The following MAK16 variants were observed in gnomAD, a reference collection of about 807,000 sequenced individuals.
MAK16 encodes the protein protein MAK16 homolog.
Under a neutral mutation model 49.9 loss-of-function variants are expected in MAK16, and 12 were observed. The observed-to-expected ratio is 0.24, with a 90% CI of 0.15 to 0.39. MAK16 has a LOEUF of 0.39. Among genes scored for constraint, MAK16 ranks in the 10% least tolerant of loss-of-function variants. The pLI is 1.00. For synonymous variants in MAK16, 115 were observed against 126.4 expected, an observed-to-expected ratio of 0.91 and a Z score of 0.60; for missense variants, 292 against 363.7, an observed-to-expected ratio of 0.80 and a Z score of 1.60.
chr8:33,485,314 G>T, intron 1 of MAK16, 93 bp downstream of exon 1: 1 of 1,533,340 alleles, frequency 6.5e-7, no homozygotes, highest in Non-Finnish European at 9.0e-7. Context: ...CAGCGGGTCT[G>T]TTGCCTCGTG....
chr8:33,498,720 G>A lies in MAK16; in HGVS notation c.*91G>A. 2 of 1,109,436 alleles carry A rather than the reference G, an allele frequency of 1.8e-6. No individual in the cohort carries two copies. Among genetic ancestry groups the A allele is most frequent in the Non-Finnish European group, 2.5e-6 (2 of 784,494 alleles). The allele number at this position is 1,109,436 out of a possible 1,614,324, so 68.7% of individuals were successfully genotyped here. On this transcript the variant is annotated 3_prime_UTR_variant, in exon 10 of 10. Coordinates refer to ENST00000360128, the MANE Select transcript of MAK16 (RefSeq NM_032509.4). ...AAACACATACACACCTCCAGTTTTT[G>A]CTCTTTTGTGTTGTACTGAACACAA...
chr8:33,490,838 C>T (rs1808765781), intron 6 of MAK16, among the ~76,000 whole-genome samples: 1 of 152,178 alleles, frequency 6.6e-6, no homozygotes. Flanking sequence ...AAATAATTGA[C>T]TATAGTCACG....
At chr8:33,495,444 TTG>T in intron 6 of MAK16, 96 bp from the exon 7 acceptor site, 3 of 988,142 alleles carry the variant, frequency 3.0e-6, no homozygotes, top group Non-Finnish European at 4.6e-6. Context: ...AATAATTACA[TTG>T]TCTTTCTTAT....
Position 33,499,067 on chromosome 8 carries a change from C to A in MAK16, c.*438C>A. ...AAGGAAGGAAGGAAAAAGCAGCTTT[C>A]ACTTACAAAGTTTCGTGTAAAAATA... On this transcript the variant is annotated 3_prime_UTR_variant, in exon 10 of 10. Coordinates refer to ENST00000360128, the MANE Select transcript of MAK16 (RefSeq NM_032509.4). 1 of 949,626 alleles carries A rather than the reference C, an allele frequency of 1.1e-6. No individual in the cohort carries two copies. The highest frequency in any genetic ancestry group is 1.7e-6 in the Non-Finnish European group (1 of 601,098). The allele number at this position is 949,626 out of a possible 1,614,324, so 58.8% of individuals were successfully genotyped here. A position where few individuals can be genotyped will look rare whatever the true frequency, so the allele number is the denominator to read the frequency against.
intron 6 of MAK16, among the ~76,000 whole-genome samples, chr8:33,493,104 AG>A (rs765177479): frequency 1.3e-5 from 2 of 152,042 alleles, no homozygotes; most frequent in Non-Finnish European, 2.9e-5. Flanking sequence ...TGGTCTGCAA[AG>A]TTGTGCTCAC....
In MAK16 at chr8:33,498,679, T is replaced by TG. The variant is rs1563348947; in HGVS notation, c.*50_*51insG. The stretch of plus-strand genomic sequence containing the variant: ...GGACTGAACATGCAGAACTGTTTTT[T>TG]TTTTTTTTTTATCTTAAACACATAC... On this transcript the variant is annotated 3_prime_UTR_variant, in exon 10 of 10. Coordinates refer to ENST00000360128, the MANE Select transcript of MAK16 (RefSeq NM_032509.4). 3.0e-5 allele frequency: 46 copies of TG among 1,526,312 alleles called. No homozygotes were observed. The highest frequency in any genetic ancestry group is 9.0e-5 in the East Asian group (4 of 44,250). The allele number at this position is 1,526,312 out of a possible 1,614,324, so 94.5% of individuals were successfully genotyped here. A position where few individuals can be genotyped will look rare whatever the true frequency, so the allele number is the denominator to read the frequency against.
Position 33,498,659 on chromosome 8 carries a change from G to GCCT in MAK16, c.*30_*31insCCT. On this transcript the variant is annotated 3_prime_UTR_variant, in exon 10 of 10. Transcript: ENST00000360128. ...CCTTTCAGCATTTATACCCAGGACT[G>GCCT]AACATGCAGAACTGTTTTTTTTTTT... The GCCT allele has an allele frequency of 7.0e-7, 1 of 1,429,246 alleles. No individual in the cohort carries two copies. Among genetic ancestry groups the GCCT allele is most frequent in the African/African-American group, 1.5e-5 (1 of 66,480 alleles). The allele number at this position is 1,429,246 out of a possible 1,614,324, so 88.5% of individuals were successfully genotyped here. A position where few individuals can be genotyped will look rare whatever the true frequency, so the allele number is the denominator to read the frequency against.
At chr8:33,493,354 A>G (rs1808806665) in intron 6 of MAK16, among the ~76,000 whole-genome samples, 1 of 152,130 alleles carries the variant, frequency 6.6e-6, no homozygotes, top group South Asian at 2.1e-4. Context: ...GGGTTTCACC[A>G]CATTGGCCAG....
chr8:33,499,120 T>C lies in MAK16; in HGVS notation c.*491T>C. 2.1e-6 allele frequency: 3 copies of C among 1,432,012 alleles called. No individual in the cohort carries two copies. Among genetic ancestry groups the C allele is most frequent in the South Asian group, 2.3e-5 (2 of 87,108 alleles). The allele number at this position is 1,432,012 out of a possible 1,614,324, so 88.7% of individuals were successfully genotyped here. ...TTTTTTTCTTAAATAACTCCATTCA[T>C]ACAAATTGGGATGGGAAGAAAATCC... On this transcript the variant is annotated 3_prime_UTR_variant, in exon 10 of 10. Coordinates refer to ENST00000360128, the MANE Select transcript of MAK16 (RefSeq NM_032509.4).
rs761937701 is a variant in MAK16, at chr8:33,488,735, A to T, written c.177A>T (p.Gly59=). ...AAAGCTATTTTACTTTATCTTCAGG[A>T]CAGTGCTACTTGTATATGAAGGTTA... The part of the protein sequence containing the change: ...SQYATIKEEK[G]QCYLYMKVIE... Residue 59 remains glycine, a splice_region_variant and synonymous_variant, in exon 4 of 10, where the codon GGA becomes GGT. Coordinates refer to ENST00000360128, the MANE Select transcript of MAK16 (RefSeq NM_032509.4). 2 of 1,614,052 alleles carry T rather than the reference A, an allele frequency of 1.2e-6. No homozygotes were observed. The highest frequency in any genetic ancestry group is 1.7e-6 in the Non-Finnish European group (2 of 1,180,006).
At chr8:33,491,909 C>G (rs193163434) in intron 6 of MAK16, among the ~76,000 whole-genome samples, 83 of 152,276 alleles carry the variant, frequency 5.5e-4, no homozygotes, top group Non-Finnish European at 7.8e-4. Flanking sequence ...GCTGGGATTA[C>G]AGGTGTGAGC....
chr8:33,492,980 G>A (rs1271274220), intron 6 of MAK16, among the ~76,000 whole-genome samples: 3 of 151,148 alleles, frequency 2.0e-5, no homozygotes, highest in Non-Finnish European at 2.9e-5. Flanking sequence ...AATGTCATTG[G>A]TATTTTTCTT....
chr8:33,488,952 C>T, intron 4 of MAK16, 36 bp from the exon 5 acceptor site: 2 of 1,613,858 alleles, frequency 1.2e-6, no homozygotes, highest in Non-Finnish European at 8.5e-7. Flanking sequence ...GAATCATTTA[C>T]ACTTGCCCTT....
chr8:33,500,391 G>A lies in MAK16; in HGVS notation c.*1762G>A, dbSNP rs1809025743. On this transcript the variant is annotated 3_prime_UTR_variant, in exon 10 of 10. Transcript: ENST00000360128. ...GGCAGTCTGTGGCCTCCTGTAGCAGGGCGCTCTTAACAGACTCAGGTGTAA... is the reference window on the plus strand; with the variant it reads ...GGCAGTCTGTGGCCTCCTGTAGCAGAGCGCTCTTAACAGACTCAGGTGTAA... 6.2e-7 allele frequency: 1 copy of A among 1,614,122 alleles called. No individual in the cohort carries two copies. The highest frequency in any genetic ancestry group is 1.3e-5 in the African/African-American group (1 of 75,014).
rs376700753 is a variant in MAK16 at position 33,496,717 on chromosome 8, AGATGATGAT to A, written c.627_635del (p.Asp209_Asp211del). The A allele has an allele frequency of 6.2e-7, 1 of 1,608,782 alleles. No homozygotes were observed. The highest frequency in any genetic ancestry group is 1.3e-5 in the African/African-American group (1 of 74,636). On this transcript the variant is annotated inframe_deletion, in exon 8 of 10. Transcript: ENST00000360128. The stretch of plus-strand genomic sequence containing the variant: ...GTGACTCTTCAGATACTGAGGAAAA[AGATGATGAT>A]GATGATGATGAGGAAGTAAGTCTTG...
In MAK16 at chr8:33,496,673, G is replaced by C; in HGVS notation, c.571G>C (p.Glu191Gln). The C allele has an allele frequency of 6.2e-7, 1 of 1,613,476 alleles. No individual in the cohort carries two copies. Among genetic ancestry groups the C allele is most frequent in the Non-Finnish European group, 8.5e-7 (1 of 1,179,740 alleles). Residue 191 changes from glutamate (E) to glutamine (Q), a missense_variant, in exon 8 of 10, where the codon GAA (glutamate) becomes CAA (glutamine). Glu to Gln is a conservative substitution (Grantham distance 29). Transcript: ENST00000360128. Reference protein sequence around the residue: ...FPIHAFDKALEQQEAESDSSD... With the variant: ...FPIHAFDKALQQQEAESDSSD... ...CATTCATGCCTTCGACAAAGCCCTGGAACAACAGGAGGCAGAGAGTGACTC... is the reference window on the plus strand; with the variant it reads ...CATTCATGCCTTCGACAAAGCCCTGCAACAACAGGAGGCAGAGAGTGACTC...
rs1809051365 is a variant in MAK16, at chr8:33,500,845, CTA to C, written c.*2218_*2219del. ...TTATTTTTCAACTCTATTAACTGAA[CTA>C]TGCTTGGAGAGAGCCCTGAATCCTT... is the stretch of plus-strand genomic sequence containing the variant. On this transcript the variant is annotated 3_prime_UTR_variant, in exon 10 of 10. Coordinates refer to ENST00000360128, the MANE Select transcript of MAK16 (RefSeq NM_032509.4). The C allele has an allele frequency of 4.7e-6, 1 of 213,578 alleles. No homozygotes were observed. Among genetic ancestry groups the C allele is most frequent in the African/African-American group, 2.3e-5 (1 of 42,848 alleles). The allele number at this position is 213,578 out of a possible 1,614,324, so 13.2% of individuals were successfully genotyped here.
Position 33,489,264 on chromosome 8 carries a change from A to G in MAK16, c.392+125A>G. ...TGTGGAGTCTGTTATGATGTACTAAAGAGAAACTTTAGCTTTGACTAAAGG... is the reference window on the plus strand; with the variant it reads ...TGTGGAGTCTGTTATGATGTACTAAGGAGAAACTTTAGCTTTGACTAAAGG... On this transcript the variant is annotated intron_variant, in intron 5 of 9. Transcript: ENST00000360128. This position sits in a 1 kb window ranked among gnomAD's most constrained non-coding sequence, Gnocchi z 4.2. 1 of 817,580 alleles carries G rather than the reference A, an allele frequency of 1.2e-6. No individual in the cohort carries two copies. Among genetic ancestry groups the G allele is most frequent in the African/African-American group, 1.7e-5 (1 of 57,986 alleles). 50.6% of individuals were successfully genotyped at this position (817,580 alleles called of 1,614,324 possible). A position where few individuals can be genotyped will look rare whatever the true frequency, so the allele number is the denominator to read the frequency against.
intron 8 of MAK16, among the ~76,000 whole-genome samples, 174 bp downstream of exon 8, chr8:33,496,915 T>A (rs546621324): frequency 6.6e-5 from 10 of 152,336 alleles, no homozygotes; most frequent in Non-Finnish European, 2.9e-5. Context: ...CAACAAACCA[T>A]TAACAATTTT....
Sources: allele counts gnomAD v4.1 joint callset (sites outside exome capture counted in the v4.1 genomes callset), GRCh38; gene constraint gnomAD v4.1.1; non-coding constraint Gnocchi (gnomAD v3.1); transcripts MANE v1.5; gene names NCBI Gene and HGNC (gene_info 2026-07-23, HGNC 2026-07-21).